BIRC6: variants seen among roughly 807,000 people sequenced by gnomAD.
BIRC6 encodes the protein dual E2 ubiquitin-conjugating enzyme/E3 ubiquitin-protein ligase BIRC6.
In BIRC6, 98 loss-of-function variants were observed where a neutral mutation model predicts 503.3. The observed-to-expected ratio is 0.19, with a 90% confidence interval of 0.17 to 0.23. The LOEUF is 0.23. Among genes scored for constraint, BIRC6 ranks in the 10% least tolerant of loss-of-function variants. The probability of loss-of-function intolerance (pLI) is 1.00; values close to 1 mark genes in which losing one functional copy is unlikely to be tolerated. For missense variants in BIRC6, 5,360 were observed against 5,806.0 expected, an observed-to-expected ratio of 0.92 and a Z score of 2.50; for synonymous variants, 2,240 against 2,078.7, an observed-to-expected ratio of 1.08 and a Z score of -2.11.
At chr2:32,450,305 C>T (rs985077564) in intron 22 of BIRC6, among the ~76,000 whole-genome samples, 6 of 152,114 alleles carry the variant, frequency 3.9e-5, no homozygotes, top group East Asian at 3.9e-4. Flanking sequence ...GGTGAAACCC[C>T]GTCTCTACTA....
chr2:32,511,835 G>A (rs895106855), intron 53 of BIRC6, among the ~76,000 whole-genome samples: 10 of 151,860 alleles, frequency 6.6e-5, no homozygotes, highest in Non-Finnish European at 1.3e-4. Context: ...TTAAAATTAT[G>A]GATTACATTT....
chr2:32,372,927 G>A (rs534214881), intron 1 of BIRC6, among the ~76,000 whole-genome samples: 12 of 152,120 alleles, frequency 7.9e-5, no homozygotes, highest in Non-Finnish European at 1.0e-4. Flanking sequence ...ATAGATTTTT[G>A]TGTGAACATA....
chr2:32,433,502 T>A, intron 12 of BIRC6, 142 bp from the exon 13 acceptor site: 1 of 594,498 alleles, frequency 1.7e-6, no homozygotes, highest in Admixed American at 3.4e-5. Context: ...GGGAGCTATT[T>A]TCTCTCTTGA....
chr2:32,405,495 A>G (rs1382863238), intron 8 of BIRC6, among the ~76,000 whole-genome samples: 4 of 152,108 alleles, frequency 2.6e-5, no homozygotes, highest in South Asian at 4.1e-4. Flanking sequence ...GCGGAATACC[A>G]CTTCATATTC....
intron 23 of BIRC6, among the ~76,000 whole-genome samples, chr2:32,454,520 T>G (rs2047035539): frequency 6.6e-6 from 1 of 152,288 alleles, no homozygotes; most frequent in African/African-American, 2.4e-5. Flanking sequence ...GGTATTTATT[T>G]ACAGTTACTT....
chr2:32,414,493 C>G lies in BIRC6; in HGVS notation c.1478-276C>G, dbSNP rs149965932. Among the ~76,000 whole-genome samples the G allele has an allele frequency of 5.9e-3, 900 of 151,918 alleles. 8 individuals carry two copies. The highest frequency in any genetic ancestry group is 0.021 in the African/African-American group (851 of 41,422). ...ACCATCCTGGACAACATGGTGAAACCCAGGCTCTACTAAAAATAGAAAAAT... is the reference window on the plus strand; with the variant it reads ...ACCATCCTGGACAACATGGTGAAACGCAGGCTCTACTAAAAATAGAAAAAT... On this transcript the variant is annotated intron_variant, in intron 9 of 73. Transcript: ENST00000421745.
intron 61 of BIRC6, 116 bp downstream of exon 61, chr2:32,531,667 A>G: frequency 1.1e-6 from 1 of 949,516 alleles, no homozygotes; most frequent in East Asian, 2.6e-5. Context: ...TTTGCTTTAT[A>G]TTTTTTGAAC....
chr2:32,377,578 C>G lies in BIRC6; in HGVS notation c.326-10C>G, dbSNP rs1558563792. 7 of 1,584,948 alleles carry G rather than the reference C, an allele frequency of 4.4e-6. No homozygotes were observed. In the South Asian group the frequency reaches 5.8e-5, roughly 13 times the overall value. On this transcript the variant is annotated splice_polypyrimidine_tract_variant and intron_variant, in intron 1 of 73. Transcript: ENST00000421745. The stretch of plus-strand genomic sequence containing the variant: ...AAATCTTAAGTGTTGAATTTTTGTT[C>G]TTTTAACAGCTAAACCAGGTGGACA...
At chr2:32,603,206 C>G (rs140184648) in intron 71 of BIRC6, 123 bp downstream of exon 71, 1 of 628,932 alleles carries the variant, frequency 1.6e-6, no homozygotes. Context: ...CTAGGAAATG[C>G]ATATTAAATA....
At chr2:32,486,737 G>C (rs1437228450) in intron 40 of BIRC6, among the ~76,000 whole-genome samples, 5 of 152,074 alleles carry the variant, frequency 3.3e-5, no homozygotes, top group African/African-American at 1.2e-4. Context: ...CTTTCAGTCT[G>C]CAATCTTCAT....
At chr2:32,406,578 A>G in intron 9 of BIRC6, 21 bp downstream of exon 9, 3 of 1,556,592 alleles carry the variant, frequency 1.9e-6, no homozygotes, top group Middle Eastern at 1.8e-4. Context: ...AGTATTAGAT[A>G]ATGTATTTAA....
intron 55 of BIRC6, among the ~76,000 whole-genome samples, chr2:32,517,070 C>G (rs1371335717): frequency 6.6e-6 from 1 of 152,058 alleles, no homozygotes; most frequent in African/African-American, 2.4e-5. Context: ...GTGGCTTATA[C>G]CTATAATCCC....
intron 9 of BIRC6, among the ~76,000 whole-genome samples, chr2:32,413,479 C>T (rs1287744461): frequency 1.3e-5 from 2 of 151,978 alleles, no homozygotes; most frequent in African/African-American, 4.8e-5. Context: ...CGCGCCCAGC[C>T]TCTAATTTTT....
rs552843796 is a variant in BIRC6 at position 32,481,178 on chromosome 2, C to T, written c.7409-142C>T. 7 of 647,294 alleles carry T rather than the reference C, an allele frequency of 1.1e-5. 1 individual carries two copies. The highest frequency in any genetic ancestry group is 9.0e-5 in the East Asian group (3 of 33,184). The allele number at this position is 647,294 out of a possible 1,614,324, so 40.1% of individuals were successfully genotyped here. ...TTTGTTTTTATCGTGTATTATGGAG[C>T]GAAATGTTTGCATACATAGAGTTTT... On this transcript the variant is annotated intron_variant, in intron 37 of 73. Coordinates refer to ENST00000421745, the MANE Select transcript of BIRC6 (RefSeq NM_016252.4).
chr2:32,496,534 ATACAG>A (rs1199445013), intron 45 of BIRC6, among the ~76,000 whole-genome samples: 1 of 152,128 alleles, frequency 6.6e-6, no homozygotes, highest in African/African-American at 2.4e-5. Context: ...TCATTTGTTC[ATACAG>A]TGTATTATAT....
chr2:32,384,844 A>G (rs376478168), intron 3 of BIRC6, among the ~76,000 whole-genome samples: 1 of 152,314 alleles, frequency 6.6e-6, no homozygotes, highest in South Asian at 2.1e-4. Context: ...TAATGTGTAT[A>G]ACTTCTCCCA....
chr2:32,369,398 A>G (rs1030967837), intron 1 of BIRC6, among the ~76,000 whole-genome samples: 10 of 151,076 alleles, frequency 6.6e-5, no homozygotes, highest in Non-Finnish European at 1.2e-4. Context: ...TGCTTCTCAC[A>G]TTGGCACCTT....
At chr2:32,521,702 A>G (rs2055735785) in intron 57 of BIRC6, among the ~76,000 whole-genome samples, 1 of 150,174 alleles carries the variant, frequency 6.7e-6, no homozygotes, top group Non-Finnish European at 1.5e-5. Flanking sequence ...CTGATGTCGA[A>G]CTCCTGACCT....
intron 8 of BIRC6, among the ~76,000 whole-genome samples, chr2:32,406,249 AGCTG>A (rs1422262572): frequency 6.6e-6 from 1 of 152,124 alleles, no homozygotes; most frequent in Non-Finnish European, 1.5e-5. Flanking sequence ...AGAAAAAAGT[AGCTG>A]GGCATGGTGG....
Sources: allele counts gnomAD v4.1 joint callset (sites outside exome capture counted in the v4.1 genomes callset), GRCh38; gene constraint gnomAD v4.1.1; transcripts MANE v1.5; gene names NCBI Gene and HGNC (gene_info 2026-07-23, HGNC 2026-07-21).